The following USP49 variants were observed in gnomAD, a reference collection of about 807,000 sequenced individuals.
USP49 encodes the protein ubiquitin carboxyl-terminal hydrolase 49.
In USP49, 24 loss-of-function variants were observed where a neutral mutation model predicts 58.6. The ratio of observed to expected loss-of-function variants is 0.41; its 90% CI spans 0.30 to 0.58. USP49 has a LOEUF of 0.58. Ranked by LOEUF, USP49 falls within the 20% of genes least tolerant of loss-of-function variation. The pLI, the probability that USP49 is intolerant of heterozygous loss-of-function variation, is 0.30. For missense variants in USP49, 703 were observed against 866.1 expected (o/e 0.81, Z 2.36); for synonymous variants, 408 against 365.1 (o/e 1.12, Z -1.34).
intron 2 of USP49, among the ~76,000 whole-genome samples, chr6:41,877,506 G>A (rs925560311): frequency 4.6e-5 from 7 of 151,852 alleles, no homozygotes; most frequent in Admixed American, 3.3e-4. Context: ...CATAGTACAT[G>A]GTACAAAGGA....
Position 41,804,027 on chromosome 6 carries a change from G to A in USP49, c.1357-17C>T. 1.2e-6 allele frequency: 2 copies of A among 1,608,522 alleles called. No homozygotes were observed. The highest frequency in any genetic ancestry group is 1.7e-6 in the Non-Finnish European group (2 of 1,176,344). On this transcript the variant is annotated splice_polypyrimidine_tract_variant and intron_variant, in intron 4 of 7. Coordinates refer to ENST00000682992, the MANE Select transcript of USP49 (RefSeq NM_001286554.2). ...ACATGTGACCTAGAATGAAAAGATT[G>A]ATTTACAGATTATATAACTTCCATG...
chr6:41,828,454 A>G (rs1478122038), intron 3 of USP49, among the ~76,000 whole-genome samples: 2 of 152,194 alleles, frequency 1.3e-5, no homozygotes, highest in East Asian at 1.9e-4. Context: ...GTCTCAAAAA[A>G]CTAAGCTGCT....
At chr6:41,853,059 G>A (rs538518838) in intron 3 of USP49, among the ~76,000 whole-genome samples, 4 of 152,134 alleles carry the variant, frequency 2.6e-5, no homozygotes, top group Non-Finnish European at 5.9e-5. Context: ...GGTGGCCTGC[G>A]CCTGTAATCC....
intron 2 of USP49, among the ~76,000 whole-genome samples, chr6:41,889,868 C>A (rs116392806): frequency 6.6e-6 from 1 of 151,890 alleles, no homozygotes. Context: ...GCAAATGGGG[C>A]AAAATGAAAA....
intron 3 of USP49, among the ~76,000 whole-genome samples, chr6:41,810,255 C>T (rs1460111846): frequency 7.9e-5 from 12 of 151,564 alleles, no homozygotes; most frequent in Admixed American, 3.3e-4. Flanking sequence ...CCGAGGCAGG[C>T]GGATCACCTG....
intron 3 of USP49, among the ~76,000 whole-genome samples, chr6:41,853,502 TTGAAAA>T (rs1774066977): frequency 6.6e-6 from 1 of 152,216 alleles, no homozygotes. Flanking sequence ...AACTGTACTC[TTGAAAA>T]TGAAGGGTTT....
At chr6:41,825,914 A>G (rs1773529496) in intron 3 of USP49, among the ~76,000 whole-genome samples, 1 of 152,240 alleles carries the variant, frequency 6.6e-6, no homozygotes, top group Admixed American at 6.5e-5. Flanking sequence ...TTAACTTATC[A>G]AAATATGTAT....
At chr6:41,868,359 C>T (rs568191113) in intron 3 of USP49, among the ~76,000 whole-genome samples, 5 of 152,242 alleles carry the variant, frequency 3.3e-5, no homozygotes, top group African/African-American at 7.2e-5. Flanking sequence ...GACGGAGTCT[C>T]GCTCTGTTGC....
At chr6:41,807,838 G>A (rs938049499) in intron 3 of USP49, among the ~76,000 whole-genome samples, 1 of 151,318 alleles carries the variant, frequency 6.6e-6, no homozygotes, top group Non-Finnish European at 1.5e-5. Flanking sequence ...TAGTGGTGCA[G>A]TCTCAGCTCA....
At chr6:41,805,601 T>C in intron 4 of USP49, 27 bp downstream of exon 4, 1 of 1,588,454 alleles carries the variant, frequency 6.3e-7, no homozygotes, top group Middle Eastern at 1.7e-4. Context: ...TACAAGCCTC[T>C]CATTGTCATG....
At chr6:41,814,850 C>T (rs928866540) in intron 3 of USP49, among the ~76,000 whole-genome samples, 3 of 152,108 alleles carry the variant, frequency 2.0e-5, no homozygotes, top group East Asian at 1.9e-4. Flanking sequence ...ATACTAATTA[C>T]GTGGTATCAT....
intron 2 of USP49, among the ~76,000 whole-genome samples, chr6:41,882,309 A>G (rs1774622888): frequency 6.6e-6 from 1 of 152,150 alleles, no homozygotes; most frequent in Non-Finnish European, 1.5e-5. Context: ...TAAATACACC[A>G]ATGAGATAGA....
chr6:41,796,981 G>T (rs1473123358), intron 7 of USP49, among the ~76,000 whole-genome samples: 1 of 125,550 alleles, frequency 8.0e-6, no homozygotes, highest in Non-Finnish European at 1.6e-5. Context: ...ACAGAGTCTC[G>T]CTCTGTCACC....
intron 2 of USP49, among the ~76,000 whole-genome samples, chr6:41,887,027 C>T (rs1425674208): frequency 2.0e-5 from 3 of 152,188 alleles, no homozygotes; most frequent in African/African-American, 7.2e-5. Flanking sequence ...TATTTTAATG[C>T]ACCCACATGG....
At chr6:41,843,982 G>A (rs1015037110) in intron 3 of USP49, among the ~76,000 whole-genome samples, 5 of 152,034 alleles carry the variant, frequency 3.3e-5, no homozygotes, top group Non-Finnish European at 7.4e-5. Context: ...AGGTGGAGGT[G>A]GCAGTGAGCC....
chr6:41,827,863 C>T (rs184049518), intron 3 of USP49, among the ~76,000 whole-genome samples: 1 of 152,062 alleles, frequency 6.6e-6, no homozygotes, highest in Non-Finnish European at 1.5e-5. Flanking sequence ...TAATTTCAAC[C>T]CCATTTTAAA....
At chr6:41,873,121 AAAG>A (rs1473897960) in intron 2 of USP49, 1 of 152,290 alleles carries the variant, frequency 6.6e-6, no homozygotes, top group African/African-American at 2.4e-5. Context: ...AGGGAAAGAA[AAAG>A]AAGAAAAGAG....
chr6:41,856,217 C>CA (rs1473614407), intron 3 of USP49, among the ~76,000 whole-genome samples: 4 of 151,072 alleles, frequency 2.6e-5, no homozygotes, highest in African/African-American at 7.3e-5. Flanking sequence ...ACTAAAAATA[C>CA]AAAAAAAATT....
chr6:41,837,558 C>T (rs148786281), intron 3 of USP49, among the ~76,000 whole-genome samples: 231 of 152,264 alleles, frequency 1.5e-3, no homozygotes, highest in African/African-American at 5.3e-3. Flanking sequence ...GATTTCACGA[C>T]GAAGACCCCA....
Sources: gnomAD v4.1 joint callset for allele counts (sites outside exome capture counted in the v4.1 genomes callset) on GRCh38, gnomAD v4.1.1 for gene constraint, MANE v1.5 for transcripts, NCBI Gene and HGNC (gene_info 2026-07-23, HGNC 2026-07-21) for gene names.